Variants in CLSTN2 observed in about 807,000 individuals in gnomAD.
CLSTN2 encodes calsyntenin 2, also known as calsyntenin-2.
CLSTN2 carries 48 observed loss-of-function variants against 101.2 expected under a neutral mutation model. That is an observed-to-expected ratio of 0.47 (90% CI 0.38 to 0.60). The LOEUF (loss-of-function observed/expected upper bound fraction) is 0.60, where lower values mean the gene tolerates loss of function less well. CLSTN2 is among the 20% of genes least tolerant of loss of function. The pLI, the probability that CLSTN2 is intolerant of heterozygous loss-of-function variation, is 0.00. For synonymous variants in CLSTN2, 481 were observed against 463.6 expected, an observed-to-expected ratio of 1.04 and a Z score of -0.48; for missense variants, 1,160 against 1,238.2, an observed-to-expected ratio of 0.94 and a Z score of 0.95.
chr3:140,447,566 T>C (rs1209020873), intron 5 of CLSTN2, among the ~76,000 whole-genome samples: 1 of 152,160 alleles, frequency 6.6e-6, no homozygotes, highest in East Asian at 1.9e-4. Context: ...CTTTATCATT[T>C]CCACATTATT....
At chr3:140,528,775 G>T (rs546725374) in intron 8 of CLSTN2, among the ~76,000 whole-genome samples, 1 of 152,274 alleles carries the variant, frequency 6.6e-6, no homozygotes, top group African/African-American at 2.4e-5. Flanking sequence ...AAGGTGAGAA[G>T]AATCTCTCCA....
chr3:140,140,520 C>G (rs113846588), intron 1 of CLSTN2, among the ~76,000 whole-genome samples: 1 of 152,268 alleles, frequency 6.6e-6, no homozygotes, highest in Non-Finnish European at 1.5e-5. Context: ...CATGAGACAG[C>G]CACTCCCATG....
chr3:140,079,750 C>CAAAAAAAA (rs548470137), intron 1 of CLSTN2, among the ~76,000 whole-genome samples: 1 of 106,400 alleles, frequency 9.4e-6, no homozygotes, highest in African/African-American at 3.6e-5. Flanking sequence ...GACTATGTCT[C>CAAAAAAAA]AAAAAAAAAA....
intron 2 of CLSTN2, among the ~76,000 whole-genome samples, chr3:140,277,772 C>T (rs1012695381): frequency 2.6e-5 from 4 of 152,140 alleles, no homozygotes; most frequent in Non-Finnish European, 5.9e-5. Flanking sequence ...TCCATCATTA[C>T]TATTGATTGC....
At chr3:140,160,829 C>T (rs191818378) in intron 1 of CLSTN2, among the ~76,000 whole-genome samples, 14 of 152,234 alleles carry the variant, frequency 9.2e-5, no homozygotes, top group Non-Finnish European at 1.5e-4. Context: ...CACCCAGGAA[C>T]GCTTGGTGGG....
At chr3:140,377,560 T>C (rs2087930500) in intron 2 of CLSTN2, among the ~76,000 whole-genome samples, 1 of 152,180 alleles carries the variant, frequency 6.6e-6, no homozygotes, top group East Asian at 1.9e-4. Context: ...GTTCATGTCT[T>C]AGTTTTTAAC....
intron 6 of CLSTN2, among the ~76,000 whole-genome samples, chr3:140,453,768 T>TA (rs754193566): frequency 2.0e-5 from 3 of 152,164 alleles, no homozygotes; most frequent in Non-Finnish European, 2.9e-5. Context: ...TTGTTTAACG[T>TA]AAAAAAATTC....
intron 2 of CLSTN2, among the ~76,000 whole-genome samples, chr3:140,196,110 G>A (rs1057458720): frequency 5.3e-5 from 8 of 152,142 alleles, no homozygotes; most frequent in Non-Finnish European, 1.0e-4. Flanking sequence ...GGCATCTTTC[G>A]TGTTACCGAA....
intron 2 of CLSTN2, among the ~76,000 whole-genome samples, chr3:140,373,103 A>G (rs917224947): frequency 6.6e-6 from 1 of 152,218 alleles, no homozygotes; most frequent in African/African-American, 2.4e-5. Flanking sequence ...AAAAAGCTAA[A>G]AAGGCTCTGA....
chr3:140,219,614 GCCT>G (rs1209221529), intron 2 of CLSTN2, among the ~76,000 whole-genome samples: 1 of 152,144 alleles, frequency 6.6e-6, no homozygotes, highest in African/African-American at 2.4e-5. Context: ...ACAGTGGGAG[GCCT>G]CCTCTCCACT....
intron 2 of CLSTN2, among the ~76,000 whole-genome samples, chr3:140,203,006 C>T (rs1001984565): frequency 2.0e-5 from 3 of 152,110 alleles, no homozygotes; most frequent in Non-Finnish European, 2.9e-5. Context: ...TAGAGGACCC[C>T]GTAGCCTTCA....
At chr3:140,121,262 C>A (rs1476946615) in intron 1 of CLSTN2, among the ~76,000 whole-genome samples, 1 of 152,078 alleles carries the variant, frequency 6.6e-6, no homozygotes, top group African/African-American at 2.4e-5. Context: ...CAGAGTGTAC[C>A]ACGGGAAGAG....
At position 140,203,477 on chromosome 3, in the gene CLSTN2, T is replaced by G. The variant is rs1032866214; in HGVS notation, c.232+27404T>G. ...AAAGTGTGGGTTTTTTTTTTTTTTT[T>G]TTTTTTTTTTTTTTGGTTTTTAAGA... On this transcript the variant is annotated intron_variant, in intron 2 of 16. Coordinates refer to ENST00000458420, the MANE Select transcript of CLSTN2 (RefSeq NM_022131.3). 6.9e-3 allele frequency among the ~76,000 whole-genome samples: 1,016 copies of G among 146,436 alleles called. 19 individuals are homozygous for G. Among genetic ancestry groups the G allele is most frequent in the African/African-American group, 0.024 (937 of 39,590 alleles).
At position 140,188,337 on chromosome 3, in the gene CLSTN2, G is replaced by A. The variant is rs142371253; in HGVS notation, c.232+12264G>A. On this transcript the variant is annotated intron_variant, in intron 2 of 16. Transcript: ENST00000458420. ...TCCTTATGTCCTAGCACACCAGTTC[G>A]CTTAGAAGTTCTCAGTAAATATTTG... 2.0e-4 allele frequency among the ~76,000 whole-genome samples: 30 copies of A among 152,258 alleles called. 1 individual carries two copies. The East Asian group carries it at 4.6e-3, about 24-fold the overall frequency.
chr3:140,505,284 G>A (rs1934665072), intron 8 of CLSTN2, among the ~76,000 whole-genome samples: 1 of 152,148 alleles, frequency 6.6e-6, no homozygotes, highest in Non-Finnish European at 1.5e-5. Context: ...TTCATTCAGT[G>A]GCTCTGAATT....
chr3:140,106,421 C>T (rs904557954), intron 1 of CLSTN2, among the ~76,000 whole-genome samples: 3 of 152,182 alleles, frequency 2.0e-5, no homozygotes, highest in Admixed American at 6.5e-5. Context: ...GGCCAGATGT[C>T]CACTGCCTCT....
At chr3:140,320,518 GC>G (rs887850577) in intron 2 of CLSTN2, among the ~76,000 whole-genome samples, 3 of 151,840 alleles carry the variant, frequency 2.0e-5, no homozygotes, top group Non-Finnish European at 2.9e-5. Flanking sequence ...GACACCTCAG[GC>G]CAGTGGGGCT....
intron 2 of CLSTN2, among the ~76,000 whole-genome samples, chr3:140,249,309 G>T (rs1256228922): frequency 6.6e-6 from 1 of 152,220 alleles, no homozygotes; most frequent in African/African-American, 2.4e-5. Flanking sequence ...TGGCTGGAGT[G>T]ATTGCCTTGC....
chr3:140,066,530 G>A (rs557629651), intron 1 of CLSTN2, among the ~76,000 whole-genome samples: 17 of 152,344 alleles, frequency 1.1e-4, no homozygotes, highest in Non-Finnish European at 2.2e-4. Flanking sequence ...TAGAAAGGAA[G>A]AGGATTAGGG....
Sources: gnomAD v4.1 joint callset for allele counts (sites outside exome capture counted in the v4.1 genomes callset) on GRCh38, gnomAD v4.1.1 for gene constraint, MANE v1.5 for transcripts, NCBI Gene and HGNC (gene_info 2026-07-23, HGNC 2026-07-21) for gene names.